Variants in B3GALT1 observed in about 807,000 individuals in gnomAD.
The protein encoded by B3GALT1 is beta-1,3-galactosyltransferase 1.
In B3GALT1, 10 loss-of-function variants were observed where a neutral mutation model predicts 23.2. The observed-to-expected ratio is 0.43, with a 90% CI of 0.27 to 0.73. The LOEUF is 0.73. B3GALT1 is among the 30% of genes least tolerant of loss of function. The probability of loss-of-function intolerance (pLI) is 0.21; values close to 1 mark genes in which losing one functional copy is unlikely to be tolerated. For synonymous variants in B3GALT1, 156 were observed against 141.5 expected, an observed-to-expected ratio of 1.10 and a Z score of -0.73; for missense variants, 299 against 405.4, an observed-to-expected ratio of 0.74 and a Z score of 2.25.
At chr2:167,350,790 GT>G (rs1156381086) in intron 1 of B3GALT1, among the ~76,000 whole-genome samples, 1 of 152,150 alleles carries the variant, frequency 6.6e-6, no homozygotes, top group Non-Finnish European at 1.5e-5. Context: ...GCTGCATCTT[GT>G]GCCTACACTC....
chr2:167,722,542 GT>G (rs10714735), intron 3 of B3GALT1, among the ~76,000 whole-genome samples: 2,141 of 152,178 alleles, frequency 0.014, 50 homozygotes, highest in African/African-American at 0.049. Context: ...GAAGATTCAA[GT>G]TTTTTTATAA....
chr2:167,802,195 A>T (rs1688651591), intron 3 of B3GALT1, among the ~76,000 whole-genome samples: 1 of 152,224 alleles, frequency 6.6e-6, no homozygotes, highest in Non-Finnish European at 1.5e-5. Context: ...GCTCAGACAG[A>T]CTTCATTGTG....
chr2:167,303,682 C>CACAGAGAG (rs535369991), intron 1 of B3GALT1, among the ~76,000 whole-genome samples: 34 of 148,824 alleles, frequency 2.3e-4, no homozygotes, highest in East Asian at 4.1e-4. Flanking sequence ...CACACACACA[C>CACAGAGAG]AGAGAGAGAC....
intron 1 of B3GALT1, among the ~76,000 whole-genome samples, chr2:167,363,118 G>C (rs1697523376): frequency 2.0e-5 from 3 of 151,582 alleles, no homozygotes; most frequent in Non-Finnish European, 2.9e-5. Flanking sequence ...GCCTCCCAAA[G>C]TGCTGGGATT....
chr2:167,599,252 G>T (rs1316435434), intron 2 of B3GALT1, among the ~76,000 whole-genome samples: 2 of 152,116 alleles, frequency 1.3e-5, no homozygotes, highest in Non-Finnish European at 2.9e-5. Context: ...ATGATGAAAA[G>T]GATTTCATTC....
chr2:167,399,999 T>G (rs1366895756), intron 1 of B3GALT1, among the ~76,000 whole-genome samples: 2 of 152,134 alleles, frequency 1.3e-5, no homozygotes, highest in Non-Finnish European at 2.9e-5. Context: ...AAATCTAAAT[T>G]ATTATCCTTT....
intron 1 of B3GALT1, among the ~76,000 whole-genome samples, chr2:167,425,233 G>T (rs1326388432): frequency 6.6e-6 from 1 of 152,176 alleles, no homozygotes; most frequent in Non-Finnish European, 1.5e-5. Flanking sequence ...ATCTAAAAAT[G>T]TGAGCTTTAC....
At chr2:167,844,673 G>A (rs537802072) in intron 4 of B3GALT1, among the ~76,000 whole-genome samples, 3 of 152,284 alleles carry the variant, frequency 2.0e-5, no homozygotes, top group African/African-American at 7.2e-5. Flanking sequence ...AGGAGCAGGA[G>A]GTAAAACTCC....
chr2:167,297,805 C>T (rs185214545), intron 1 of B3GALT1, among the ~76,000 whole-genome samples: 44 of 152,028 alleles, frequency 2.9e-4, no homozygotes, highest in African/African-American at 9.7e-4. Context: ...AATTATACTC[C>T]GAAGAAGTTA....
intron 3 of B3GALT1, among the ~76,000 whole-genome samples, chr2:167,723,311 G>C (rs1282622330): frequency 1.3e-5 from 2 of 152,134 alleles, no homozygotes; most frequent in African/African-American, 4.8e-5. Context: ...TCATTTAGTA[G>C]ATGTAAAAAC....
intron 3 of B3GALT1, among the ~76,000 whole-genome samples, chr2:167,685,214 T>A (rs969482121): frequency 6.6e-6 from 1 of 152,222 alleles, no homozygotes; most frequent in Non-Finnish European, 1.5e-5. Context: ...ATTAAGCACA[T>A]AAGTGTCAAA....
chr2:167,456,345 G>A (rs926369212), intron 1 of B3GALT1, among the ~76,000 whole-genome samples: 1 of 151,922 alleles, frequency 6.6e-6, no homozygotes, highest in Non-Finnish European at 1.5e-5. Context: ...TGAGGGATCT[G>A]CCCCCATGAT....
chr2:167,456,748 T>C (rs1046224694), intron 1 of B3GALT1, among the ~76,000 whole-genome samples: 3 of 152,128 alleles, frequency 2.0e-5, no homozygotes, highest in African/African-American at 7.2e-5. Context: ...ATAAAAGACA[T>C]TCATTAGGGA....
intron 2 of B3GALT1, among the ~76,000 whole-genome samples, chr2:167,531,241 G>C (rs893116883): frequency 7.2e-5 from 11 of 152,124 alleles, no homozygotes; most frequent in African/African-American, 2.7e-4. Flanking sequence ...TGTTTGTCTG[G>C]TGATGGGCAT....
At chr2:167,532,828 G>A (rs1307519831) in intron 2 of B3GALT1, among the ~76,000 whole-genome samples, 3 of 146,788 alleles carry the variant, frequency 2.0e-5, no homozygotes. Context: ...CATGTCTGCA[G>A]ATAGAGAAAG....
rs539134197 is a variant in B3GALT1, at chr2:167,645,130, G to A, written c.-409-1779G>A. On this transcript the variant is annotated intron_variant, in intron 2 of 4. Coordinates refer to ENST00000392690, the MANE Select transcript of B3GALT1 (RefSeq NM_020981.4). ...TCAAAGCAAAACTCATAGTGAGGCC[G>A]GCAAGAGTAAGGGTGCTGACTTTTG... Among the ~76,000 whole-genome samples, 59 of 152,096 alleles carry A rather than the reference G, an allele frequency of 3.9e-4. 1 individual carries two copies. The South Asian group carries it at 0.011, about 28-fold the overall frequency.
intron 1 of B3GALT1, among the ~76,000 whole-genome samples, chr2:167,321,132 TGTTA>T (rs770236431): frequency 1.2e-4 from 19 of 152,048 alleles, no homozygotes; most frequent in Non-Finnish European, 1.9e-4. Flanking sequence ...GGCTTTTCTG[TGTTA>T]GTTAACATCT....
At chr2:167,445,608 A>G (rs1392433245) in intron 1 of B3GALT1, among the ~76,000 whole-genome samples, 1 of 152,078 alleles carries the variant, frequency 6.6e-6, no homozygotes, top group Non-Finnish European at 1.5e-5. Context: ...TGATCCCTTT[A>G]CCATTATGTA....
At chr2:167,554,601 C>T (rs1683811418) in intron 2 of B3GALT1, among the ~76,000 whole-genome samples, 2 of 152,140 alleles carry the variant, frequency 1.3e-5, no homozygotes, top group Non-Finnish European at 1.5e-5. Context: ...GTGAAAAATA[C>T]TAAGTGTATG....
Sources: gnomAD v4.1 joint callset for allele counts (sites outside exome capture counted in the v4.1 genomes callset) on GRCh38, gnomAD v4.1.1 for gene constraint, MANE v1.5 for transcripts, NCBI Gene and HGNC (gene_info 2026-07-23, HGNC 2026-07-21) for gene names.